Variants in MORC1 observed in about 807,000 individuals in gnomAD.
MORC1 encodes MORC family CW-type zinc finger 1.
In MORC1, 59 loss-of-function variants were observed where a neutral mutation model predicts 134.9. The observed-to-expected ratio is 0.44, with a 90% CI of 0.35 to 0.54. The LOEUF (loss-of-function observed/expected upper bound fraction) is 0.54, where lower values mean the gene tolerates loss of function less well. MORC1 is among the 20% of genes least tolerant of loss of function. MORC1 has a pLI of 0.00. For synonymous variants in MORC1, 395 were observed against 391.7 expected, an observed-to-expected ratio of 1.01 and a Z score of -0.10; for missense variants, 947 against 1,134.5, an observed-to-expected ratio of 0.83 and a Z score of 2.37.
chr3:109,027,102 C>A (rs953176902), intron 17 of MORC1, among the ~76,000 whole-genome samples: 1 of 152,078 alleles, frequency 6.6e-6, no homozygotes, highest in Non-Finnish European at 1.5e-5. Context: ...TGGACATATG[C>A]TACAACTGCT....
chr3:109,060,262 GAA>G (rs35431327), intron 11 of MORC1, among the ~76,000 whole-genome samples: 11 of 145,084 alleles, frequency 7.6e-5, no homozygotes, highest in Admixed American at 2.7e-4. Flanking sequence ...GTTTTTGCAG[GAA>G]AAAAAAAAAA....
At chr3:109,051,225 C>T (rs939910372) in intron 14 of MORC1, among the ~76,000 whole-genome samples, 2 of 152,188 alleles carry the variant, frequency 1.3e-5, no homozygotes, top group African/African-American at 4.8e-5. Flanking sequence ...CATTACCTCT[C>T]CATTTCTCTT....
At chr3:109,050,526 G>A (rs1949800177) in intron 14 of MORC1, among the ~76,000 whole-genome samples, 2 of 152,104 alleles carry the variant, frequency 1.3e-5, no homozygotes, top group South Asian at 4.1e-4. Context: ...TAAAGTCCCA[G>A]TTGCTAATAC....
chr3:108,979,715 T>G, intron 23 of MORC1, 48 bp from the exon 24 acceptor site: 1 of 1,593,148 alleles, frequency 6.3e-7, no homozygotes, highest in Non-Finnish European at 8.6e-7. Context: ...TATTAATAAT[T>G]TCAGAAACAC....
intron 17 of MORC1, among the ~76,000 whole-genome samples, chr3:109,015,780 A>ATGCCATC (rs1422499243): frequency 9.3e-6 from 1 of 107,082 alleles, no homozygotes; most frequent in Non-Finnish European, 2.0e-5. Context: ...ATGCTCTGCC[A>ATGCCATC]CGCATAATCC....
intron 9 of MORC1, among the ~76,000 whole-genome samples, chr3:109,067,391 T>C (rs1454989957): frequency 1.3e-5 from 2 of 152,220 alleles, no homozygotes; most frequent in African/African-American, 2.4e-5. Flanking sequence ...ATTTATTCTA[T>C]GATCTAGACT....
intron 21 of MORC1, among the ~76,000 whole-genome samples, chr3:108,993,255 T>A (rs1948115652): frequency 6.6e-6 from 1 of 152,236 alleles, no homozygotes; most frequent in Admixed American, 6.5e-5. Context: ...TCTAACATAG[T>A]ATTGTTCAAT....
intron 14 of MORC1, among the ~76,000 whole-genome samples, chr3:109,050,012 C>G (rs1949784281): frequency 7.2e-6 from 1 of 139,812 alleles, no homozygotes; most frequent in Admixed American, 7.0e-5. Flanking sequence ...CTTCAAATAC[C>G]TGGGGGGGCT....
chr3:109,031,010 C>T (rs1949229272), intron 16 of MORC1, among the ~76,000 whole-genome samples: 1 of 152,054 alleles, frequency 6.6e-6, no homozygotes, highest in African/African-American at 2.4e-5. Flanking sequence ...TAAAGAGAGA[C>T]AGAATTAATA....
At chr3:109,009,596 G>A (rs1948634944) in intron 17 of MORC1, among the ~76,000 whole-genome samples, 1 of 152,166 alleles carries the variant, frequency 6.6e-6, no homozygotes, top group East Asian at 1.9e-4. Flanking sequence ...TCCTTTCCAT[G>A]AGGATCTTAC....
intron 2 of MORC1, 24 bp from the exon 3 acceptor site, chr3:109,110,807 T>G (rs775471598): frequency 3.2e-6 from 5 of 1,564,866 alleles, no homozygotes; most frequent in Non-Finnish European, 3.5e-6. Flanking sequence ...AAAAATATTA[T>G]TTCTTCAATA....
chr3:108,995,112 A>G (rs1948164476), intron 21 of MORC1, among the ~76,000 whole-genome samples: 1 of 152,186 alleles, frequency 6.6e-6, no homozygotes, highest in Non-Finnish European at 1.5e-5. Context: ...GGTGGTATGG[A>G]GTTTGCCTGG....
Position 108,971,347 on chromosome 3 carries a change from G to T in MORC1, c.2533C>A (p.Pro845Thr), listed in dbSNP as rs762064085. ...EHQLPSELEE[P>T]ALSCELEQCP... Reference sequence around the variant, plus strand: ...CAGCTTACCTCACAACTTAATGCAGGTTCTTCCAATTCTGATGGTAGCTGA... The same window carrying T: ...CAGCTTACCTCACAACTTAATGCAGTTTCTTCCAATTCTGATGGTAGCTGA... The change falls in exon 25 of 28, where the codon CCT becomes ACT. Residue 845 changes from proline to threonine, a missense_variant. Pro to Thr is a conservative substitution (Grantham distance 38, BLOSUM62 -1). Coordinates refer to ENST00000232603, the MANE Select transcript of MORC1 (RefSeq NM_014429.4). 15 of 1,613,318 alleles carry T rather than the reference G, an allele frequency of 9.3e-6. No homozygotes were observed. In the African/African-American group the frequency reaches 1.5e-4, roughly 16 times the overall value.
chr3:109,113,605 GA>G (rs1433410843), intron 2 of MORC1, among the ~76,000 whole-genome samples: 1 of 151,206 alleles, frequency 6.6e-6, no homozygotes. Context: ...CAAAAGGTAG[GA>G]AAAAATCTTC....
At chr3:109,022,535 A>G (rs973806641) in intron 17 of MORC1, among the ~76,000 whole-genome samples, 13 of 152,234 alleles carry the variant, frequency 8.5e-5, no homozygotes, top group African/African-American at 3.1e-4. Context: ...ACCAGGCATG[A>G]AGTCTTATAA....
intron 3 of MORC1, among the ~76,000 whole-genome samples, chr3:109,104,764 G>C (rs1950991733): frequency 6.6e-6 from 1 of 152,018 alleles, no homozygotes; most frequent in Admixed American, 6.6e-5. Context: ...GTTGGACATA[G>C]GAGTTCTAGC....
chr3:109,052,788 G>A (rs553880550), intron 14 of MORC1, among the ~76,000 whole-genome samples: 10 of 152,090 alleles, frequency 6.6e-5, no homozygotes, highest in Admixed American at 2.0e-4. Context: ...GACATAAATG[G>A]AGCCCTATGT....
intron 17 of MORC1, 26 bp from the exon 18 acceptor site, chr3:109,007,117 G>A (rs770668612): frequency 6.4e-7 from 1 of 1,573,718 alleles, no homozygotes; most frequent in Admixed American, 1.8e-5. Context: ...AACCATTAAG[G>A]CAAATGTAAG....
chr3:109,100,306 G>T, intron 5 of MORC1, 111 bp downstream of exon 5: 2 of 879,064 alleles, frequency 2.3e-6, no homozygotes, highest in Non-Finnish European at 3.6e-6. Flanking sequence ...CCTGCCTCAA[G>T]TTTATATATT....
Sources: allele counts gnomAD v4.1 joint callset (sites outside exome capture counted in the v4.1 genomes callset), GRCh38; gene constraint gnomAD v4.1.1; transcripts MANE v1.5; gene names NCBI Gene and HGNC (gene_info 2026-07-23, HGNC 2026-07-21).